The following SAMD12 variants were observed in gnomAD, a reference collection of about 807,000 sequenced individuals.
SAMD12 encodes the protein sterile alpha motif domain containing 12, also known as sterile alpha motif domain-containing protein 12.
A neutral mutation model predicts 15.0 loss-of-function variants in SAMD12; 9 were observed. The ratio of observed to expected loss-of-function variants is 0.60; its 90% CI spans 0.36 to 1.05. The LOEUF is 1.05. SAMD12 is among the 50% of genes least tolerant of loss of function. The pLI is 0.01. For missense variants in SAMD12, 230 were observed against 234.2 expected, an observed-to-expected ratio of 0.98 and a Z score of 0.12; for synonymous variants, 86 against 90.1, an observed-to-expected ratio of 0.96 and a Z score of 0.25.
chr8:118,301,496 A>G (rs1381612932), intron 4 of SAMD12, among the ~76,000 whole-genome samples: 1 of 152,210 alleles, frequency 6.6e-6, no homozygotes, highest in Non-Finnish European at 1.5e-5. Flanking sequence ...ACTAACCAGT[A>G]CTTAATCATG....
intron 2 of SAMD12, among the ~76,000 whole-genome samples, chr8:118,554,193 A>C (rs1368485916): frequency 6.6e-6 from 1 of 152,216 alleles, no homozygotes; most frequent in Non-Finnish European, 1.5e-5. Context: ...GTATATACCC[A>C]AAGGCCTATA....
intron 4 of SAMD12, among the ~76,000 whole-genome samples, chr8:118,355,719 C>G (rs1038673552): frequency 2.6e-5 from 4 of 152,110 alleles, no homozygotes; most frequent in Admixed American, 1.3e-4. Flanking sequence ...ATTCTCCAAC[C>G]AGCTATTCAG....
chr8:118,406,242 A>G (rs963108408), intron 3 of SAMD12, among the ~76,000 whole-genome samples: 1 of 151,930 alleles, frequency 6.6e-6, no homozygotes, highest in African/African-American at 2.4e-5. Flanking sequence ...AATATATAAC[A>G]TAATTTACCA....
At chr8:118,287,197 T>C (rs1456653490) in intron 4 of SAMD12, among the ~76,000 whole-genome samples, 1 of 150,036 alleles carries the variant, frequency 6.7e-6, no homozygotes, top group Non-Finnish European at 1.5e-5. Context: ...CTATCTCGGC[T>C]CACTGCAAGC....
At chr8:118,595,187 C>T (rs1251769124) in intron 1 of SAMD12, among the ~76,000 whole-genome samples, 5 of 152,096 alleles carry the variant, frequency 3.3e-5, no homozygotes, top group African/African-American at 9.7e-5. Context: ...ATGCACATTG[C>T]TCTAAGAAAC....
chr8:118,570,553 C>T (rs111593085), intron 2 of SAMD12, among the ~76,000 whole-genome samples: 2,346 of 152,226 alleles, frequency 0.015, 54 homozygotes, highest in African/African-American at 0.051. Context: ...TTCTTTTATA[C>T]GGCTGCATAG....
At chr8:118,545,023 C>T (rs1049277533) in intron 2 of SAMD12, among the ~76,000 whole-genome samples, 5 of 152,182 alleles carry the variant, frequency 3.3e-5, no homozygotes, top group African/African-American at 1.2e-4. Context: ...TGCAACAGAA[C>T]CCTCTAGGGC....
the SAMD12 span, among the ~76,000 whole-genome samples, chr8:118,158,120 A>T: frequency 6.6e-6 from 1 of 152,204 alleles, no homozygotes; most frequent in Admixed American, 6.5e-5. Flanking sequence ...GCCCAGACAG[A>T]GGACTCTAGG....
chr8:118,229,642 C>G (rs546236535), intron 4 of SAMD12, among the ~76,000 whole-genome samples: 1 of 152,280 alleles, frequency 6.6e-6, no homozygotes, highest in African/African-American at 2.4e-5. Flanking sequence ...ACAACAAACT[C>G]CAGGAACTCA....
intron 4 of SAMD12, among the ~76,000 whole-genome samples, chr8:118,244,732 T>TA (rs1359819166): frequency 2.0e-4 from 31 of 152,246 alleles, no homozygotes; most frequent in African/African-American, 7.0e-4. Flanking sequence ...AAGTTGATGA[T>TA]AAAATGCCCT....
At position 118,531,177 on chromosome 8, in the gene SAMD12, C is replaced by A. The variant is rs563714995; in HGVS notation, c.192+49538G>T. Among the ~76,000 whole-genome samples, 46 of 152,246 alleles carry A rather than the reference C, an allele frequency of 3.0e-4. No individual in the cohort carries two copies. In the South Asian group the frequency reaches 6.0e-3, roughly 20 times the overall value. On this transcript the variant is annotated intron_variant, in intron 2 of 3. Coordinates refer to ENST00000314727, the MANE Select transcript of SAMD12 (RefSeq NM_207506.3). ...GCCAGTTTTCCCAGCACCATTTATT[C>A]AATAGGGAATCCTTTCCCCATTGCT...
chr8:118,164,129 G>A, the SAMD12 span, among the ~76,000 whole-genome samples: 5 of 152,170 alleles, frequency 3.3e-5, no homozygotes, highest in African/African-American at 9.7e-5. Context: ...AGAGCAGCAG[G>A]AGGAAGGGGA....
chr8:118,505,319 G>T (rs1424595578), intron 2 of SAMD12, among the ~76,000 whole-genome samples: 4 of 146,998 alleles, frequency 2.7e-5, no homozygotes. Flanking sequence ...AGTATCTATT[G>T]TCTCCTTTCT....
intron 2 of SAMD12, among the ~76,000 whole-genome samples, chr8:118,467,444 G>A (rs1330721819): frequency 6.6e-6 from 1 of 152,088 alleles, no homozygotes; most frequent in Non-Finnish European, 1.5e-5. Flanking sequence ...TATTGCTTTT[G>A]TTTTATATTT....
intron 2 of SAMD12, among the ~76,000 whole-genome samples, chr8:118,563,402 C>T (rs528838518): frequency 6.6e-6 from 1 of 152,166 alleles, no homozygotes; most frequent in Non-Finnish European, 1.5e-5. Context: ...GCCATCCATA[C>T]CCAGAATATA....
intron 4 of SAMD12, among the ~76,000 whole-genome samples, chr8:118,306,373 G>C (rs1330887374): frequency 1.3e-5 from 2 of 152,080 alleles, no homozygotes; most frequent in Non-Finnish European, 2.9e-5. Flanking sequence ...AGTTTAGCAT[G>C]GCCATGTGAA....
rs149690247 is a variant in SAMD12, at chr8:118,493,057, A to G, written c.193-53096T>C. ...ACAGAGGACATGAATAACCAGCTGG[A>G]TGGCCTAAAACCAGTGATTTGTTAG... On this transcript the variant is annotated intron_variant, in intron 2 of 3. Transcript: ENST00000314727. 3.9e-5 allele frequency among the ~76,000 whole-genome samples: 6 copies of G among 152,306 alleles called. No individual in the cohort carries two copies. The East Asian group carries it at 1.2e-3, about 29-fold the overall frequency.
chr8:118,524,719 T>C (rs551103862), intron 2 of SAMD12, among the ~76,000 whole-genome samples: 6 of 152,320 alleles, frequency 3.9e-5, no homozygotes, highest in African/African-American at 1.4e-4. Flanking sequence ...CTTTGACAGT[T>C]AATAACCGAC....
At chr8:118,410,156 C>T (rs1210824395) in intron 3 of SAMD12, among the ~76,000 whole-genome samples, 5 of 152,104 alleles carry the variant, frequency 3.3e-5, no homozygotes, top group South Asian at 2.1e-4. Flanking sequence ...ATATCTAAGG[C>T]TATTTACACA....
Sources: allele counts gnomAD v4.1 joint callset (sites outside exome capture counted in the v4.1 genomes callset), GRCh38; gene constraint gnomAD v4.1.1; transcripts MANE v1.5; gene names NCBI Gene and HGNC (gene_info 2026-07-23, HGNC 2026-07-21).